Variants in POM121 observed in about 807,000 individuals in gnomAD.
POM121 encodes the protein nuclear envelope pore membrane protein POM 121.
POM121 carries 32 observed loss-of-function variants against 81.3 expected under a neutral mutation model. That is an observed-to-expected ratio of 0.39 (90% CI 0.30 to 0.53). The LOEUF is 0.53. POM121 is among the 20% of genes least tolerant of loss of function. The probability of loss-of-function intolerance (pLI) is 0.66; values close to 1 mark genes in which losing one functional copy is unlikely to be tolerated. For missense variants in POM121, 1,138 were observed against 1,614.6 expected (o/e 0.70, Z 5.06); for synonymous variants, 514 against 694.2 (o/e 0.74, Z 4.08).
In POM121 at chr7:72,926,302, A is replaced by G. The variant is rs1554497414; in HGVS notation, c.685A>G (p.Arg229Gly). ...ACCAAATCGGTTTGTAATAACACCT[A>G]GAAGACGCTATCCGATCCATCAGGC... is the stretch of plus-strand genomic sequence containing the variant. ...TLPNRFVITP[R>G]RRYPIHQAQY... Residue 229 changes from arginine (R) to glycine (G), a missense_variant, in exon 2 of 13, where the codon AGA (arginine) becomes GGA (glycine). Physicochemically the swap from Arg to Gly is moderately radical, Grantham distance 125. Transcript: ENST00000434423. 1 of 1,587,190 alleles carries G rather than the reference A, an allele frequency of 6.3e-7. No individual in the cohort carries two copies. Among genetic ancestry groups the G allele is most frequent in the Non-Finnish European group, 8.6e-7 (1 of 1,165,898 alleles).
intron 5 of POM121, among the ~76,000 whole-genome samples, chr7:72,934,848 AT>A (rs1394749596): frequency 6.6e-6 from 1 of 152,048 alleles, no homozygotes; most frequent in Non-Finnish European, 1.5e-5. Flanking sequence ...ATGTGGGTCC[AT>A]TTCTAGACTC....
downstream of POM121, chr7:72,949,663 C>T: frequency 1.5e-6 from 1 of 659,310 alleles, no homozygotes; most frequent in Non-Finnish European, 2.8e-6. Flanking sequence ...GGTCTCTGCC[C>T]CAAGGGCTAA....
chr7:72,879,540 C>T lies in POM121; in HGVS notation c.-866C>T, dbSNP rs538183240. 1.2e-3 allele frequency: 320 copies of T among 263,964 alleles called. 8 individuals are homozygous for T. The highest frequency in any genetic ancestry group is 9.8e-3 in the South Asian group (316 of 32,326). 16.4% of individuals were successfully genotyped at this position (263,964 alleles called of 1,614,324 possible). Reference sequence around the variant, plus strand: ...GGCCGGGTAGAGGCTCGAGCCGGGACCCCCGAGCGTGAACCCCGGAGCCAG... The same window carrying T: ...GGCCGGGTAGAGGCTCGAGCCGGGATCCCCGAGCGTGAACCCCGGAGCCAG... On this transcript the variant is annotated 5_prime_UTR_variant, in exon 1 of 16. Coordinates refer to the POM121 transcript ENST00000395270.
chr7:72,879,779 G>A, exon 1 of POM121: 1 of 495,158 alleles, frequency 2.0e-6, no homozygotes, highest in Admixed American at 2.1e-5. Flanking sequence ...AACAGCCTTG[G>A]TGAGGTGGAC....
chr7:72,896,049 C>A (rs1484179092), intron 3 of POM121, among the ~76,000 whole-genome samples: 1 of 151,934 alleles, frequency 6.6e-6, no homozygotes, highest in Non-Finnish European at 1.5e-5. Flanking sequence ...CTTTGAGACG[C>A]ATCATGAGTT....
chr7:72,945,438 C>T (rs1355452320), intron 11 of POM121, 148 bp from the exon 12 acceptor site: 4 of 695,354 alleles, frequency 5.8e-6, no homozygotes, highest in Non-Finnish European at 9.7e-6. Context: ...GGTTGTCTGG[C>T]TCAGCTGCTG....
At chr7:72,881,973 C>G (rs1338227611) in intron 1 of POM121, among the ~76,000 whole-genome samples, 15 of 152,036 alleles carry the variant, frequency 9.9e-5, no homozygotes, top group Admixed American at 5.2e-4. Context: ...TAGACATTAT[C>G]CTGTAAAATA....
rs560513151 is a variant in POM121 at position 72,901,358 on chromosome 7, AT to A, written c.-216+10262del. On this transcript the variant is annotated intron_variant, in intron 3 of 15. Coordinates refer to the POM121 transcript ENST00000395270. ...TCCTGAGTAGCTAGGACTCAGGCTA[AT>A]TTTTTTTTTTTTTGAGACAGAGTCT... Among the ~76,000 whole-genome samples the A allele has an allele frequency of 1.5e-3, 203 of 138,028 alleles. 1 individual carries two copies. The highest frequency in any genetic ancestry group is 1.5e-3 in the Non-Finnish European group (94 of 63,036). 90.6% of individuals were successfully genotyped at this position (138,028 alleles called of 152,430 possible). A position where few individuals can be genotyped will look rare whatever the true frequency, so the allele number is the denominator to read the frequency against.
intron 4 of POM121, among the ~76,000 whole-genome samples, chr7:72,929,709 A>C (rs1300053767): frequency 6.6e-6 from 1 of 152,198 alleles, no homozygotes; most frequent in African/African-American, 2.4e-5. Context: ...CACTGTAGAT[A>C]GGTATGCATT....
intron 1 of POM121, among the ~76,000 whole-genome samples, chr7:72,886,690 T>G (rs1284659207): frequency 6.6e-6 from 1 of 152,134 alleles, no homozygotes; most frequent in African/African-American, 2.4e-5. Context: ...TTTTGCTGGA[T>G]TTTTCTCCAC....
At chr7:72,938,544 A>T (rs1554499964) in intron 5 of POM121, 46 bp from the exon 6 acceptor site, 2 of 1,576,810 alleles carry the variant, frequency 1.3e-6, no homozygotes, top group Non-Finnish European at 1.7e-6. Context: ...TGAGGGTCAG[A>T]TGCTAAGTTA....
chr7:72,930,302 T>C (rs1795886754), intron 5 of POM121, among the ~76,000 whole-genome samples, 191 bp downstream of exon 5: 2 of 152,234 alleles, frequency 1.3e-5, no homozygotes, highest in Non-Finnish European at 2.9e-5. Flanking sequence ...AAAAGAATTT[T>C]TAAAGAAAAT....
chr7:72,939,164 C>G (rs1469155165), intron 6 of POM121, among the ~76,000 whole-genome samples, 172 bp from the exon 7 acceptor site: 1 of 152,168 alleles, frequency 6.6e-6, no homozygotes, highest in Non-Finnish European at 1.5e-5. Context: ...TGAACAGCCT[C>G]CCTTCATTCT....
At chr7:72,891,682 C>G (rs1294440015) in intron 3 of POM121, among the ~76,000 whole-genome samples, 2 of 152,178 alleles carry the variant, frequency 1.3e-5, no homozygotes, top group Non-Finnish European at 2.9e-5. Context: ...GCTGAGATTA[C>G]AGTCCTGAGC....
At chr7:72,890,936 A>G (rs1791243718) in exon 3 of POM121, 1 of 1,208,206 alleles carries the variant, frequency 8.3e-7, no homozygotes. Flanking sequence ...TATGCAGCTT[A>G]TGAGGTGGCA....
chr7:72,885,018 G>T (rs1159537095), intron 1 of POM121, among the ~76,000 whole-genome samples: 3 of 152,096 alleles, frequency 2.0e-5, no homozygotes, highest in African/African-American at 7.2e-5. Flanking sequence ...TTCAGTCTAG[G>T]ACTGTTAATT....
At chr7:72,950,041 C>G (rs782632434), downstream of POM121, 78 of 1,548,540 alleles carry the variant, frequency 5.0e-5, no homozygotes, top group Admixed American at 1.3e-3. Flanking sequence ...CTTCCCTTTT[C>G]TATTCCTCTT....
At chr7:72,921,332 C>T (rs189715551), upstream of POM121, among the ~76,000 whole-genome samples, 4 of 152,326 alleles carry the variant, frequency 2.6e-5, no homozygotes, top group Non-Finnish European at 4.4e-5. Flanking sequence ...TCACTCCAGC[C>T]TTCAGCCGTG....
chr7:72,926,545 A>T (rs1795465295), intron 2 of POM121, 68 bp downstream of exon 2: 3 of 1,601,580 alleles, frequency 1.9e-6, no homozygotes, highest in Non-Finnish European at 2.6e-6. Context: ...AGTTGTTCCT[A>T]TGACATGACT....
Sources: gnomAD v4.1 joint callset for allele counts (sites outside exome capture counted in the v4.1 genomes callset) on GRCh38, gnomAD v4.1.1 for gene constraint, MANE v1.5 for transcripts, NCBI Gene and HGNC (gene_info 2026-07-23, HGNC 2026-07-21) for gene names.